ATP2A2: variants seen among roughly 807,000 people sequenced by gnomAD.
ATP2A2 encodes the protein sarcoplasmic/endoplasmic reticulum calcium ATPase 2.
In ATP2A2, 14 loss-of-function variants were observed where a neutral mutation model predicts 109.3. The observed-to-expected ratio is 0.13, with a 90% CI of 0.08 to 0.20. ATP2A2 has a LOEUF of 0.20. Among genes scored for constraint, ATP2A2 ranks in the 10% least tolerant of loss-of-function variants. ATP2A2 has a pLI of 1.00. For missense variants in ATP2A2, 657 were observed against 1,321.6 expected, an observed-to-expected ratio of 0.50 and a Z score of 7.80; for synonymous variants, 506 against 490.9, an observed-to-expected ratio of 1.03 and a Z score of -0.41.
In ATP2A2 at chr12:110,281,637, G is replaced by A; in HGVS notation, c.-153G>A. The A allele has an allele frequency of 2.3e-6, 1 of 441,522 alleles. No homozygotes were observed. The highest frequency in any genetic ancestry group is 3.9e-6 in the Non-Finnish European group (1 of 257,342). 27.4% of individuals were successfully genotyped at this position (441,522 alleles called of 1,614,324 possible). A position where few individuals can be genotyped will look rare whatever the true frequency, so the allele number is the denominator to read the frequency against. ...GGGGGAGGGGGCGCGGGGTGATTCAGCGCCCGGCGAGGCGGAAGCGGCCGC... is the reference window on the plus strand; with the variant it reads ...GGGGGAGGGGGCGCGGGGTGATTCAACGCCCGGCGAGGCGGAAGCGGCCGC... On this transcript the variant is annotated 5_prime_UTR_variant, in exon 1 of 20. Coordinates refer to ENST00000539276, the MANE Select transcript of ATP2A2 (RefSeq NM_170665.4).
At chr12:110,308,242 A>C (rs187696097) in intron 5 of ATP2A2, among the ~76,000 whole-genome samples, 270 of 152,324 alleles carry the variant, frequency 1.8e-3, no homozygotes, top group African/African-American at 6.4e-3. Context: ...TGCCCTGGTT[A>C]GAATCTCCAA....
In ATP2A2 at chr12:110,347,039, T is replaced by TTC; in HGVS notation, c.*569_*570insTC. On this transcript the variant is annotated 3_prime_UTR_variant, in exon 20 of 20. Transcript: ENST00000539276. Reference sequence around the variant, plus strand: ...CGTTCACCCCACCCCACCCCACCTCTCCCCACCTTACCCCCGCCCCGCTTG... The same window carrying TTC: ...CGTTCACCCCACCCCACCCCACCTCTTCCCCCACCTTACCCCCGCCCCGCTTG... The TTC allele has an allele frequency of 1.9e-6, 1 of 535,306 alleles. No homozygotes were observed. The highest frequency in any genetic ancestry group is 2.4e-6 in the Non-Finnish European group (1 of 423,532). 33.2% of individuals were successfully genotyped at this position (535,306 alleles called of 1,614,324 possible). A position where few individuals can be genotyped will look rare whatever the true frequency, so the allele number is the denominator to read the frequency against.
chr12:110,324,964 GCA>G (rs1372969442), intron 6 of ATP2A2, among the ~76,000 whole-genome samples: 1 of 151,332 alleles, frequency 6.6e-6, no homozygotes, highest in East Asian at 2.0e-4. Context: ...TTACAGGCAT[GCA>G]CCACCACACC....
At chr12:110,281,934 G>T in intron 1 of ATP2A2, 27 bp downstream of exon 1, 1 of 1,532,422 alleles carries the variant, frequency 6.5e-7, no homozygotes, top group Non-Finnish European at 8.8e-7. Context: ...CCGCTGCAGG[G>T]GCCCGGCGCG....
In ATP2A2 at chr12:110,293,384, T is replaced by TG. The variant is rs1566203493; in HGVS notation, c.324+1260_324+1261insG. ...CTCCCGGCCTTTTTTTTTTTTTTTT[T>TG]TTTTGTTTGTTTGTTTGTTTGTTTG... On this transcript the variant is annotated intron_variant, in intron 4 of 19. Transcript: ENST00000539276. Among the ~76,000 whole-genome samples, 846 of 126,284 alleles carry TG rather than the reference T, an allele frequency of 6.7e-3. 5 individuals are homozygous for TG. The highest frequency in any genetic ancestry group is 0.026 in the African/African-American group (807 of 30,972). 82.8% of individuals were successfully genotyped at this position (126,284 alleles called of 152,430 possible). A position where few individuals can be genotyped will look rare whatever the true frequency, so the allele number is the denominator to read the frequency against.
At position 110,314,750 on chromosome 12, in the gene ATP2A2, T is replaced by C. The variant is rs576055762; in HGVS notation, c.464-8242T>C. Among the ~76,000 whole-genome samples the C allele has an allele frequency of 1.2e-4, 19 of 152,332 alleles. No individual in the cohort carries two copies. The South Asian group carries it at 3.1e-3, about 25-fold the overall frequency. ...AATAGTCTCAAAATTTCATTGCTTA[T>C]TATTACTATACAGCCACTTTTTAAA... On this transcript the variant is annotated intron_variant, in intron 5 of 19. Coordinates refer to ENST00000539276, the MANE Select transcript of ATP2A2 (RefSeq NM_170665.4).
At position 110,308,580 on chromosome 12, in the gene ATP2A2, A is replaced by G. The variant is rs531105940; in HGVS notation, c.463+11843A>G. Among the ~76,000 whole-genome samples the G allele has an allele frequency of 1.1e-4, 16 of 152,356 alleles. No individual in the cohort carries two copies. The South Asian group carries it at 3.3e-3, about 32-fold the overall frequency. ...TTTTGGAAAAGCATACCGTGACTGTATAACCTGGGCCAGATAAATAGGTAT... is the reference window on the plus strand; with the variant it reads ...TTTTGGAAAAGCATACCGTGACTGTGTAACCTGGGCCAGATAAATAGGTAT... On this transcript the variant is annotated intron_variant, in intron 5 of 19. Coordinates refer to ENST00000539276, the MANE Select transcript of ATP2A2 (RefSeq NM_170665.4).
At position 110,343,984 on chromosome 12, in the gene ATP2A2, A is replaced by C. The variant is rs530018425; in HGVS notation, c.2521+550A>C. ...TTCATAATATATTCACATGACTTCA[A>C]ATTCAAAAAGCACACAATGGCATAG... is the stretch of plus-strand genomic sequence containing the variant. On this transcript the variant is annotated intron_variant, in intron 16 of 19. Coordinates refer to ENST00000539276, the MANE Select transcript of ATP2A2 (RefSeq NM_170665.4). Among the ~76,000 whole-genome samples, 14 of 152,316 alleles carry C rather than the reference A, an allele frequency of 9.2e-5. No homozygotes were observed. The South Asian group carries it at 1.7e-3, about 18-fold the overall frequency.
At chr12:110,321,417 A>G (rs1473804037) in intron 5 of ATP2A2, among the ~76,000 whole-genome samples, 3 of 152,172 alleles carry the variant, frequency 2.0e-5, no homozygotes, top group South Asian at 4.1e-4. Context: ...CCCTTTCGTA[A>G]GACTTACAAA....
chr12:110,297,740 C>G (rs999601954), intron 5 of ATP2A2, among the ~76,000 whole-genome samples: 1 of 152,030 alleles, frequency 6.6e-6, no homozygotes, highest in African/African-American at 2.4e-5. Context: ...CACTTTGCCC[C>G]CCAAATAGCT....
At chr12:110,296,126 TG>T in intron 4 of ATP2A2, 1 of 166,672 alleles carries the variant, frequency 6.0e-6, no homozygotes, top group Non-Finnish European at 1.3e-5. Context: ...TGTTTTGTTT[TG>T]TTTTTTTGAC....
intron 5 of ATP2A2, 37 bp from the exon 6 acceptor site, chr12:110,322,955 T>C (rs1405485734): frequency 7.1e-7 from 1 of 1,416,674 alleles, no homozygotes; most frequent in Non-Finnish European, 1.0e-6. Flanking sequence ...GTTTTAAAAG[T>C]TGCTCATTTC....
intron 5 of ATP2A2, among the ~76,000 whole-genome samples, chr12:110,304,791 C>G (rs1218890685): frequency 6.6e-6 from 1 of 151,982 alleles, no homozygotes; most frequent in Non-Finnish European, 1.5e-5. Context: ...GTTGCTTGTG[C>G]TTTTGGTGTG....
chr12:110,320,384 T>C (rs1161130614), intron 5 of ATP2A2, among the ~76,000 whole-genome samples: 1 of 152,230 alleles, frequency 6.6e-6, no homozygotes, highest in Admixed American at 6.5e-5. Flanking sequence ...CATAGGATCA[T>C]GACATTGACG....
rs1880065041 is a variant in ATP2A2, at chr12:110,348,217, C to T, written c.*1747C>T. ...GAAAGCAAGTAACTGAACCAGTGAA[C>T]TCTGGGTATCGATAGGTTCGTCTTA... On this transcript the variant is annotated 3_prime_UTR_variant, in exon 20 of 20. Coordinates refer to ENST00000539276, the MANE Select transcript of ATP2A2 (RefSeq NM_170665.4). The T allele has an allele frequency of 3.0e-6, 3 of 985,384 alleles. No individual in the cohort carries two copies. Among genetic ancestry groups the T allele is most frequent in the Non-Finnish European group, 2.4e-6 (2 of 829,956 alleles). 61.0% of individuals were successfully genotyped at this position (985,384 alleles called of 1,614,324 possible).
In ATP2A2 at chr12:110,340,587, T is replaced by C; in HGVS notation, c.1762-72T>C. The stretch of plus-strand genomic sequence containing the variant: ...GCAGAAACCTGTCTCAATGTTTAAC[T>C]GGGCATTTTTCAAACTAGGGGACAA... On this transcript the variant is annotated intron_variant, in intron 13 of 19. Coordinates refer to ENST00000539276, the MANE Select transcript of ATP2A2 (RefSeq NM_170665.4). This position sits in a 1 kb window ranked among gnomAD's most constrained non-coding sequence, Gnocchi z 6.0. The C allele has an allele frequency of 6.7e-7, 1 of 1,484,952 alleles. No homozygotes were observed. 92.0% of individuals were successfully genotyped at this position (1,484,952 alleles called of 1,614,324 possible).
intron 3 of ATP2A2, among the ~76,000 whole-genome samples, chr12:110,288,673 G>A (rs535805675): frequency 6.6e-6 from 1 of 152,262 alleles, no homozygotes; most frequent in Admixed American, 6.5e-5. Flanking sequence ...CCAAAGTGCT[G>A]TGATTACAGG....
At chr12:110,334,217 CCTACT>C in intron 11 of ATP2A2, 74 bp downstream of exon 11, 1 of 1,569,150 alleles carries the variant, frequency 6.4e-7, no homozygotes, top group Admixed American at 1.7e-5. Context: ...TCTGCACTGT[CCTACT>C]CTCTTAGAAA....
chr12:110,308,166 A>G (rs912239169), intron 5 of ATP2A2, among the ~76,000 whole-genome samples: 2 of 152,238 alleles, frequency 1.3e-5, no homozygotes, highest in African/African-American at 4.8e-5. Flanking sequence ...ATACAAGATC[A>G]TGCATTTGCA....
Sources: allele counts gnomAD v4.1 joint callset (sites outside exome capture counted in the v4.1 genomes callset), GRCh38; gene constraint gnomAD v4.1.1; non-coding constraint Gnocchi (gnomAD v3.1); transcripts MANE v1.5; gene names NCBI Gene and HGNC (gene_info 2026-07-23, HGNC 2026-07-21).